ADGRL4: variants seen among roughly 807,000 people sequenced by gnomAD.
The protein encoded by ADGRL4 is adhesion G protein-coupled receptor L4.
ADGRL4 carries 90 observed loss-of-function variants against 74.8 expected under a neutral mutation model. The observed-to-expected ratio is 1.20, with a 90% CI of 1.02 to 1.43. ADGRL4 has a LOEUF of 1.43. Ranked by LOEUF, ADGRL4 falls within the 40% of genes most tolerant of loss-of-function variation. The probability of loss-of-function intolerance (pLI) is 0.00; values close to 1 mark genes in which losing one functional copy is unlikely to be tolerated. For synonymous variants in ADGRL4, 311 were observed against 279.2 expected (o/e 1.11, Z -1.14); for missense variants, 881 against 814.3 (o/e 1.08, Z -1.00).
At chr1:78,918,932 A>G (rs948101791) in intron 10 of ADGRL4, among the ~76,000 whole-genome samples, 5 of 151,952 alleles carry the variant, frequency 3.3e-5, no homozygotes, top group Non-Finnish European at 7.4e-5. Flanking sequence ...CAAATTTAAT[A>G]GGTGAAAAGT....
At chr1:78,971,900 C>T (rs1052693909) in intron 2 of ADGRL4, among the ~76,000 whole-genome samples, 5 of 151,908 alleles carry the variant, frequency 3.3e-5, no homozygotes, top group African/African-American at 1.2e-4. Context: ...GGATTACAGG[C>T]ATGTGCCACC....
intron 12 of ADGRL4, among the ~76,000 whole-genome samples, chr1:78,897,396 G>T (rs1458582998): frequency 2.0e-5 from 3 of 152,150 alleles, no homozygotes; most frequent in South Asian, 4.2e-4. Flanking sequence ...CTTGATATTT[G>T]CTCACCCTGG....
rs570507455 is a variant in ADGRL4, at chr1:78,974,041, C to T, written c.173-27615G>A. On this transcript the variant is annotated intron_variant, in intron 2 of 14. Transcript: ENST00000370742. ...CATGTGTGCAAGAGCACACACACACCCCTCCCTCCAGCACCCCACGCAAGC... is the reference window on the plus strand; with the variant it reads ...CATGTGTGCAAGAGCACACACACACTCCTCCCTCCAGCACCCCACGCAAGC... Among the ~76,000 whole-genome samples, 8 of 152,146 alleles carry T rather than the reference C, an allele frequency of 5.3e-5. No homozygotes were observed. The East Asian group carries it at 1.5e-3, about 29-fold the overall frequency.
intron 12 of ADGRL4, among the ~76,000 whole-genome samples, chr1:78,894,384 T>C (rs1648349870): frequency 6.6e-6 from 1 of 151,880 alleles, no homozygotes; most frequent in African/African-American, 2.4e-5. Context: ...GTCCATTACT[T>C]CTAATTATAT....
intron 2 of ADGRL4, among the ~76,000 whole-genome samples, chr1:78,953,052 T>C (rs1207334612): frequency 6.6e-6 from 1 of 152,170 alleles, no homozygotes; most frequent in Non-Finnish European, 1.5e-5. Flanking sequence ...GAACTATTAA[T>C]ATACACATAT....
intron 12 of ADGRL4, among the ~76,000 whole-genome samples, chr1:78,914,140 C>A (rs989379487): frequency 6.6e-6 from 1 of 151,802 alleles, no homozygotes; most frequent in African/African-American, 2.4e-5. Flanking sequence ...TTCACACTTG[C>A]AATCCTCTGC....
chr1:78,974,145 A>T (rs1650232514), intron 2 of ADGRL4, among the ~76,000 whole-genome samples: 1 of 152,126 alleles, frequency 6.6e-6, no homozygotes, highest in East Asian at 1.9e-4. Flanking sequence ...GTTATTTTCC[A>T]GTTTATCTTC....
intron 8 of ADGRL4, among the ~76,000 whole-genome samples, chr1:78,922,826 T>C (rs1047510468): frequency 1.7e-4 from 26 of 152,054 alleles, no homozygotes; most frequent in African/African-American, 6.3e-4. Context: ...AAATATTTAT[T>C]AAAGAAAACA....
At chr1:78,909,584 A>G (rs182580227) in intron 12 of ADGRL4, among the ~76,000 whole-genome samples, 1 of 151,998 alleles carries the variant, frequency 6.6e-6, no homozygotes, top group Non-Finnish European at 1.5e-5. Context: ...CTAGTTTATC[A>G]CAATGCTTTT....
chr1:78,983,627 A>C (rs1650439108), intron 2 of ADGRL4, among the ~76,000 whole-genome samples: 2 of 151,892 alleles, frequency 1.3e-5, no homozygotes, highest in Non-Finnish European at 2.9e-5. Flanking sequence ...TTCAATTGAA[A>C]TTCCAAGGAC....
intron 2 of ADGRL4, among the ~76,000 whole-genome samples, chr1:78,947,422 T>C (rs1487931528): frequency 6.6e-6 from 1 of 152,154 alleles, no homozygotes. Context: ...AACCAAAGAA[T>C]GACAAGGATA....
In ADGRL4 at chr1:79,006,706, G is replaced by C; in HGVS notation, c.-52C>G. 7.0e-7 allele frequency: 1 copy of C among 1,424,316 alleles called. No individual in the cohort carries two copies. The highest frequency in any genetic ancestry group is 9.2e-7 in the Non-Finnish European group (1 of 1,090,758). The allele number at this position is 1,424,316 out of a possible 1,614,324, so 88.2% of individuals were successfully genotyped here. ...GCGGAGAGCGCGGCGGAGTGAGTGC[G>C]GCTGTGGACCCGGGACCGGGCGCCG... On this transcript the variant is annotated 5_prime_UTR_variant, in exon 1 of 15. Transcript: ENST00000370742.
chr1:78,967,951 T>C (rs2100714458), intron 2 of ADGRL4, among the ~76,000 whole-genome samples: 1 of 151,810 alleles, frequency 6.6e-6, no homozygotes, highest in Admixed American at 6.5e-5. Context: ...ATTGTCTTTC[T>C]TGACACCTGG....
At chr1:79,000,761 C>A (rs1358380749) in intron 2 of ADGRL4, among the ~76,000 whole-genome samples, 1 of 152,044 alleles carries the variant, frequency 6.6e-6, no homozygotes, top group Non-Finnish European at 1.5e-5. Flanking sequence ...GGAAGGTAAA[C>A]CCTGGGTTAA....
At chr1:78,955,601 C>A (rs1038250863) in intron 2 of ADGRL4, among the ~76,000 whole-genome samples, 1 of 151,868 alleles carries the variant, frequency 6.6e-6, no homozygotes, top group Non-Finnish European at 1.5e-5. Context: ...CAGTTTACTT[C>A]AGTGTAAAAT....
At chr1:78,974,971 T>A (rs1331806161) in intron 2 of ADGRL4, among the ~76,000 whole-genome samples, 1 of 152,172 alleles carries the variant, frequency 6.6e-6, no homozygotes, top group African/African-American at 2.4e-5. Flanking sequence ...GGAATGGGCA[T>A]CTTTAGGGGG....
At chr1:78,998,812 A>C (rs377268575) in intron 2 of ADGRL4, among the ~76,000 whole-genome samples, 3 of 152,192 alleles carry the variant, frequency 2.0e-5, no homozygotes, top group Non-Finnish European at 2.9e-5. Flanking sequence ...ACCACAGAGT[A>C]GTTTGAGGGT....
rs186223145 is a variant in ADGRL4, at chr1:78,898,430, C to G, written c.1750-5241G>C. ...AATCCACTGTGGTCCATTTATTAATCTCTAAATGTTAGTGCCAAAAAAGCA... is the reference window on the plus strand; with the variant it reads ...AATCCACTGTGGTCCATTTATTAATGTCTAAATGTTAGTGCCAAAAAAGCA... On this transcript the variant is annotated intron_variant, in intron 12 of 14. Coordinates refer to ENST00000370742, the MANE Select transcript of ADGRL4 (RefSeq NM_022159.4). Among the ~76,000 whole-genome samples the G allele has an allele frequency of 9.3e-4, 141 of 152,118 alleles. 1 individual carries two copies. Among genetic ancestry groups the G allele is most frequent in the African/African-American group, 3.3e-3 (135 of 41,536 alleles).
At position 78,902,558 on chromosome 1, in the gene ADGRL4, T is replaced by C. The variant is rs117559008; in HGVS notation, c.1750-9369A>G. Among the ~76,000 whole-genome samples the C allele has an allele frequency of 4.4e-3, 667 of 152,280 alleles. 8 individuals are homozygous for C. The highest frequency in any genetic ancestry group is 0.012 in the East Asian group (61 of 5,184). On this transcript the variant is annotated intron_variant, in intron 12 of 14. Coordinates refer to ENST00000370742, the MANE Select transcript of ADGRL4 (RefSeq NM_022159.4). ...AGACAGGTTCTAGAGTTTATGCTCC[T>C]GAGCACTTTACAAAGCTACCAAACT...
Sources: allele counts gnomAD v4.1 joint callset (sites outside exome capture counted in the v4.1 genomes callset), GRCh38; gene constraint gnomAD v4.1.1; transcripts MANE v1.5; gene names NCBI Gene and HGNC (gene_info 2026-07-23, HGNC 2026-07-21).